ARHGAP12: variants seen among roughly 807,000 people sequenced by gnomAD.
ARHGAP12 encodes the protein rho GTPase-activating protein 12.
ARHGAP12 carries 64 observed loss-of-function variants against 108.6 expected under a neutral mutation model. That is an observed-to-expected ratio of 0.59 (90% confidence interval 0.48 to 0.73). The LOEUF is 0.73. Among genes scored for constraint, ARHGAP12 ranks in the 30% least tolerant of loss-of-function variants. ARHGAP12 has a pLI of 0.00. For missense variants in ARHGAP12, 940 were observed against 1,005.9 expected, an observed-to-expected ratio of 0.93 and a Z score of 0.89; for synonymous variants, 312 against 337.2, an observed-to-expected ratio of 0.93 and a Z score of 0.82.
chr10:31,924,807 A>AC (rs1839963061), intron 1 of ARHGAP12, among the ~76,000 whole-genome samples: 1 of 152,056 alleles, frequency 6.6e-6, no homozygotes, highest in South Asian at 2.1e-4. Context: ...AGCTCTCAGG[A>AC]CCCTAGGCAC....
intron 2 of ARHGAP12, 37 bp downstream of exon 2, chr10:31,910,488 A>C (rs2132462556): frequency 6.6e-6 from 1 of 152,274 alleles, no homozygotes; most frequent in African/African-American, 2.4e-5. Context: ...TGACTAACAA[A>C]TTTAATACAA....
At chr10:31,873,921 G>A (rs1266340730) in intron 3 of ARHGAP12, among the ~76,000 whole-genome samples, 1 of 152,176 alleles carries the variant, frequency 6.6e-6, no homozygotes, top group Non-Finnish European at 1.5e-5. Context: ...ATGCTGATAA[G>A]GCAACATGCG....
chr10:31,880,241 A>C (rs1179963111), intron 3 of ARHGAP12, among the ~76,000 whole-genome samples: 1 of 152,232 alleles, frequency 6.6e-6, no homozygotes, highest in African/African-American at 2.4e-5. Context: ...AAATGATTAA[A>C]ATGTTTAACA....
At chr10:31,847,625 C>T (rs1304154903) in intron 6 of ARHGAP12, among the ~76,000 whole-genome samples, 1 of 152,070 alleles carries the variant, frequency 6.6e-6, no homozygotes. Flanking sequence ...ATCCTCTTCC[C>T]ACACTCTGCT....
intron 3 of ARHGAP12, among the ~76,000 whole-genome samples, chr10:31,889,619 G>GTTT (rs869116452): frequency 0.011 from 728 of 66,498 alleles, 14 homozygotes; most frequent in Non-Finnish European, 0.015. Flanking sequence ...AATTTTTCTC[G>GTTT]TTTTTTTTTT....
chr10:31,882,053 T>C (rs1226322471), intron 3 of ARHGAP12, among the ~76,000 whole-genome samples: 1 of 151,134 alleles, frequency 6.6e-6, no homozygotes, highest in African/African-American at 2.4e-5. Flanking sequence ...TAGCTGGGAC[T>C]ACAGGCGCCC....
chr10:31,912,666 C>A (rs554576699), intron 1 of ARHGAP12, among the ~76,000 whole-genome samples: 1 of 152,006 alleles, frequency 6.6e-6, no homozygotes, highest in Non-Finnish European at 1.5e-5. Flanking sequence ...TGGTTAGATA[C>A]CAAGGCAGGT....
At chr10:31,876,917 T>C (rs1206948946) in intron 3 of ARHGAP12, among the ~76,000 whole-genome samples, 3 of 152,136 alleles carry the variant, frequency 2.0e-5, no homozygotes, top group African/African-American at 7.2e-5. Context: ...GGTTCTAAAA[T>C]ACAAAAGACA....
chr10:31,815,135 AAG>A (rs1835157987), intron 13 of ARHGAP12, among the ~76,000 whole-genome samples: 1 of 144,248 alleles, frequency 6.9e-6, no homozygotes, highest in African/African-American at 2.9e-5. Flanking sequence ...AAAAAAAAAA[AAG>A]AAAGAAAGAA....
intron 3 of ARHGAP12, among the ~76,000 whole-genome samples, chr10:31,881,941 G>A (rs906052008): frequency 6.8e-6 from 1 of 146,144 alleles, no homozygotes; most frequent in African/African-American, 2.6e-5. Flanking sequence ...TTGAGACGGA[G>A]TCTCGCTCTG....
At chr10:31,924,707 A>G (rs905138713) in intron 1 of ARHGAP12, among the ~76,000 whole-genome samples, 10 of 127,386 alleles carry the variant, frequency 7.9e-5, no homozygotes, top group African/African-American at 2.3e-4. Context: ...TAACCTCATA[A>G]CATATTCTGA....
intron 6 of ARHGAP12, among the ~76,000 whole-genome samples, chr10:31,852,291 T>C (rs967714164): frequency 3.3e-5 from 5 of 152,258 alleles, no homozygotes; most frequent in Admixed American, 2.0e-4. Flanking sequence ...CAATTTCAAG[T>C]TAACCCAAAA....
At chr10:31,894,335 A>G (rs1484348940) in intron 3 of ARHGAP12, among the ~76,000 whole-genome samples, 7 of 152,148 alleles carry the variant, frequency 4.6e-5, no homozygotes, top group Admixed American at 1.3e-4. Flanking sequence ...ACATGATTGT[A>G]TATCTAGAAA....
At chr10:31,889,353 G>C (rs1425838341) in intron 3 of ARHGAP12, among the ~76,000 whole-genome samples, 4 of 152,138 alleles carry the variant, frequency 2.6e-5, no homozygotes, top group African/African-American at 9.7e-5. Flanking sequence ...ATTAAATAAT[G>C]CTCTGCCAGT....
intron 3 of ARHGAP12, among the ~76,000 whole-genome samples, chr10:31,879,623 A>G (rs556028125): frequency 1.8e-4 from 28 of 152,310 alleles, no homozygotes; most frequent in African/African-American, 6.7e-4. Context: ...CTCAGATCGT[A>G]TCCTATTCAT....
At chr10:31,843,426 T>C (rs1162733923) in intron 7 of ARHGAP12, 35 bp downstream of exon 7, 2 of 1,594,734 alleles carry the variant, frequency 1.3e-6, no homozygotes, top group South Asian at 1.1e-5. Flanking sequence ...TACAATATAA[T>C]GCAAAGAACT....
At position 31,843,455 on chromosome 10, in the gene ARHGAP12, T is replaced by C; in HGVS notation, c.1296+6A>G. The C allele has an allele frequency of 6.2e-7, 1 of 1,610,144 alleles. No homozygotes were observed. The highest frequency in any genetic ancestry group is 8.5e-7 in the Non-Finnish European group (1 of 1,178,852). On this transcript the variant is annotated splice_donor_region_variant and intron_variant, in intron 7 of 19. Transcript: ENST00000344936. ...AAGAACTTGCCAAAAATCTCAACAG[T>C]CCTACCTTATCATTAGTGTCCAATA...
At chr10:31,824,348 T>G (rs1835523818) in intron 11 of ARHGAP12, among the ~76,000 whole-genome samples, 1 of 152,194 alleles carries the variant, frequency 6.6e-6, no homozygotes, top group Admixed American at 6.5e-5. Context: ...TCAATAGTAA[T>G]AAGATGTCAT....
intron 15 of ARHGAP12, among the ~76,000 whole-genome samples, chr10:31,811,599 T>C (rs1835021478): frequency 6.7e-6 from 1 of 149,868 alleles, no homozygotes; most frequent in Non-Finnish European, 1.5e-5. Flanking sequence ...CAAATTCAAA[T>C]GCTTTATTGG....
Sources: gnomAD v4.1 joint callset for allele counts (sites outside exome capture counted in the v4.1 genomes callset) on GRCh38, gnomAD v4.1.1 for gene constraint, MANE v1.5 for transcripts, NCBI Gene and HGNC (gene_info 2026-07-23, HGNC 2026-07-21) for gene names.